The following MARCHF4 variants were observed in gnomAD, a reference collection of about 807,000 sequenced individuals.
The protein encoded by MARCHF4 is membrane associated ring-CH-type finger 4.
Under a neutral mutation model 43.9 loss-of-function variants are expected in MARCHF4, and 14 were observed. That is an observed-to-expected ratio of 0.32 (90% confidence interval 0.21 to 0.50). The LOEUF (loss-of-function observed/expected upper bound fraction) is 0.50, where lower values mean the gene tolerates loss of function less well. Among genes scored for constraint, MARCHF4 ranks in the 20% least tolerant of loss-of-function variants. The probability of loss-of-function intolerance (pLI) is 0.98; values close to 1 mark genes in which losing one functional copy is unlikely to be tolerated. For missense variants in MARCHF4, 468 were observed against 536.7 expected, an observed-to-expected ratio of 0.87 and a Z score of 1.27; for synonymous variants, 226 against 213.3, an observed-to-expected ratio of 1.06 and a Z score of -0.52.
At chr2:216,272,560 CT>C (rs1690956683) in intron 3 of MARCHF4, among the ~76,000 whole-genome samples, 1 of 152,194 alleles carries the variant, frequency 6.6e-6, no homozygotes, top group Non-Finnish European at 1.5e-5. Context: ...GCCAGAAGTT[CT>C]TGGTCCAATC....
chr2:216,264,012 C>G (rs72960747), intron 3 of MARCHF4, among the ~76,000 whole-genome samples: 1 of 152,046 alleles, frequency 6.6e-6, no homozygotes, highest in Non-Finnish European at 1.5e-5. Flanking sequence ...GGGGAGCAGC[C>G]GGCTTGGAGC....
intron 1 of MARCHF4, among the ~76,000 whole-genome samples, chr2:216,308,848 A>T (rs1453556612): frequency 1.3e-5 from 2 of 152,184 alleles, no homozygotes; most frequent in African/African-American, 4.8e-5. Flanking sequence ...TTCTAATTAT[A>T]CAACCTGCTT....
At chr2:216,353,383 A>G (rs1280901745) in intron 1 of MARCHF4, among the ~76,000 whole-genome samples, 1 of 152,244 alleles carries the variant, frequency 6.6e-6, no homozygotes, top group African/African-American at 2.4e-5. Flanking sequence ...ATAGATGAAT[A>G]GCTCTGAGGC....
At chr2:216,297,802 A>G (rs1480480286) in intron 1 of MARCHF4, among the ~76,000 whole-genome samples, 2 of 151,800 alleles carry the variant, frequency 1.3e-5, no homozygotes, top group African/African-American at 4.8e-5. Context: ...CCCCTCCCCT[A>G]TGGTCTTCTT....
At chr2:216,285,927 A>G (rs1691211549) in intron 1 of MARCHF4, among the ~76,000 whole-genome samples, 1 of 152,222 alleles carries the variant, frequency 6.6e-6, no homozygotes, top group African/African-American at 2.4e-5. Context: ...GCTGAATGAC[A>G]GTGAAGTCTC....
chr2:216,343,456 A>G (rs1692264281), intron 1 of MARCHF4, among the ~76,000 whole-genome samples: 1 of 152,112 alleles, frequency 6.6e-6, no homozygotes, highest in Admixed American at 6.5e-5. Context: ...TCTAAACTCA[A>G]TTACCTCCTA....
chr2:216,274,296 GCTGTGGTTCCTGT>G (rs1002312028), intron 3 of MARCHF4, among the ~76,000 whole-genome samples: 1 of 152,136 alleles, frequency 6.6e-6, no homozygotes, highest in African/African-American at 2.4e-5. Flanking sequence ...CATCCCAGAG[GCTGTGGTTCCTGT>G]CCTACATTGC....
At chr2:216,264,213 G>T (rs2105931632) in intron 3 of MARCHF4, among the ~76,000 whole-genome samples, 1 of 152,270 alleles carries the variant, frequency 6.6e-6, no homozygotes, top group Non-Finnish European at 1.5e-5. Flanking sequence ...AGTCTCAGGG[G>T]TTTCTAGCCC....
chr2:216,344,966 G>A (rs983969445), intron 1 of MARCHF4, among the ~76,000 whole-genome samples: 12 of 151,804 alleles, frequency 7.9e-5, no homozygotes, highest in African/African-American at 2.9e-4. Context: ...GGAGTGAAGA[G>A]GCAGTGATGG....
chr2:216,307,537 C>T (rs917484866), intron 1 of MARCHF4, among the ~76,000 whole-genome samples: 5 of 136,614 alleles, frequency 3.7e-5, no homozygotes, highest in Non-Finnish European at 6.8e-5. Flanking sequence ...TTCAAATCAA[C>T]GTTTTTTTTT....
intron 1 of MARCHF4, among the ~76,000 whole-genome samples, chr2:216,349,041 C>G (rs1877105): frequency 0.41 from 62,892 of 151,640 alleles, 14,251 homozygotes; most frequent in East Asian, 0.79. Context: ...TGCCAACTAT[C>G]GGTCAGTTTG....
chr2:216,357,637 C>T (rs911259824), intron 1 of MARCHF4, among the ~76,000 whole-genome samples: 5 of 152,164 alleles, frequency 3.3e-5, no homozygotes, highest in African/African-American at 9.7e-5. Flanking sequence ...CTATATCTTT[C>T]GTGATGTTGA....
chr2:216,337,152 G>GAA, intron 1 of MARCHF4, among the ~76,000 whole-genome samples: 2 of 107,634 alleles, frequency 1.9e-5, no homozygotes. Context: ...ACTCCCTCTT[G>GAA]AAAAAAAAAA....
chr2:216,293,171 G>C (rs1691334578), intron 1 of MARCHF4, among the ~76,000 whole-genome samples: 1 of 152,086 alleles, frequency 6.6e-6, no homozygotes, highest in African/African-American at 2.4e-5. Flanking sequence ...TCTGGCTGGA[G>C]TCCGTCCCAG....
chr2:216,345,171 C>T (rs1213320543), intron 1 of MARCHF4, among the ~76,000 whole-genome samples: 2 of 141,736 alleles, frequency 1.4e-5, no homozygotes, highest in Non-Finnish European at 3.1e-5. Flanking sequence ...CAGTGTAGAT[C>T]CCTTGGTCTG....
intron 1 of MARCHF4, among the ~76,000 whole-genome samples, chr2:216,355,595 G>T (rs1300948507): frequency 2.0e-5 from 3 of 152,196 alleles, no homozygotes; most frequent in African/African-American, 7.2e-5. Context: ...TTGGTTGGGG[G>T]TGGAAAGTCC....
rs13425419 is a variant in MARCHF4, at chr2:216,314,613, G to A, written c.517-30884C>T. Reference sequence around the variant, plus strand: ...GCTGGGGTTACAGGCAAGAGCCACCGTGCTTGGCCTGTAACTACAATTATT... The same window carrying A: ...GCTGGGGTTACAGGCAAGAGCCACCATGCTTGGCCTGTAACTACAATTATT... On this transcript the variant is annotated intron_variant, in intron 1 of 3. Coordinates refer to ENST00000273067, the MANE Select transcript of MARCHF4 (RefSeq NM_020814.3). Among the ~76,000 whole-genome samples the A allele has an allele frequency of 9.7e-3, 1,479 of 152,248 alleles. 18 individuals are homozygous for A. The highest frequency in any genetic ancestry group is 0.034 in the African/African-American group (1,406 of 41,534).
At chr2:216,344,879 C>T (rs946104131) in intron 1 of MARCHF4, among the ~76,000 whole-genome samples, 3 of 151,780 alleles carry the variant, frequency 2.0e-5, no homozygotes, top group African/African-American at 7.3e-5. Context: ...GGACAAAGAG[C>T]ACTCTGGGAA....
At chr2:216,349,929 C>T (rs1015541058) in intron 1 of MARCHF4, among the ~76,000 whole-genome samples, 1 of 152,088 alleles carries the variant, frequency 6.6e-6, no homozygotes, top group Non-Finnish European at 1.5e-5. Context: ...ATGCTTTCCT[C>T]CCAATCTCAC....
Sources: allele counts gnomAD v4.1 joint callset (sites outside exome capture counted in the v4.1 genomes callset), GRCh38; gene constraint gnomAD v4.1.1; transcripts MANE v1.5; gene names NCBI Gene and HGNC (gene_info 2026-07-23, HGNC 2026-07-21).